The following REL variants were observed in gnomAD, a reference collection of about 807,000 sequenced individuals.
REL encodes REL proto-oncogene, NF-kB subunit, also known as proto-oncogene c-Rel.
In REL, 15 loss-of-function variants were observed where a neutral mutation model predicts 45.9. That is an observed-to-expected ratio of 0.33 (90% CI 0.22 to 0.50). The LOEUF (loss-of-function observed/expected upper bound fraction) is 0.50. REL is among the 20% of genes least tolerant of loss of function. REL has a pLI of 0.98. For missense variants in REL, 601 were observed against 715.2 expected, an observed-to-expected ratio of 0.84 and a Z score of 1.82; for synonymous variants, 239 against 242.1, an observed-to-expected ratio of 0.99 and a Z score of 0.12.
At chr2:60,900,880 C>A in intron 3 of REL, 112 bp from the exon 4 acceptor site, 5 of 876,616 alleles carry the variant, frequency 5.7e-6, no homozygotes, top group South Asian at 4.9e-5. Flanking sequence ...CACGTTCATG[C>A]TTTGGTATGT....
rs544485826 is a variant in REL, at chr2:60,904,440, G to C, written c.394+3357G>C. 1.3e-4 allele frequency among the ~76,000 whole-genome samples: 19 copies of C among 150,674 alleles called. No individual in the cohort carries two copies. The East Asian group carries it at 3.7e-3, about 29-fold the overall frequency. The stretch of plus-strand genomic sequence containing the variant: ...AAAAAAATTAGCCGGGCGTGGTGGC[G>C]CACACCTGTGATCCCAGCTACTCAG... On this transcript the variant is annotated intron_variant, in intron 4 of 9. Coordinates refer to ENST00000394479, the MANE Select transcript of REL (RefSeq NM_001291746.2).
intron 1 of REL, among the ~76,000 whole-genome samples, chr2:60,886,463 C>G (rs1342970625): frequency 6.6e-6 from 1 of 152,132 alleles, no homozygotes; most frequent in African/African-American, 2.4e-5. Context: ...GCCATATTAG[C>G]ATACCATTCA....
In REL at chr2:60,897,409, G is replaced by A. The variant is rs535436206; in HGVS notation, c.302+2864G>A. Among the ~76,000 whole-genome samples, 4 of 151,244 alleles carry A rather than the reference G, an allele frequency of 2.6e-5. No individual in the cohort carries two copies. In the South Asian group the frequency reaches 8.3e-4, roughly 31 times the overall value. On this transcript the variant is annotated intron_variant, in intron 3 of 9. Transcript: ENST00000394479. ...TGCAACCTTCCCCTCCCAAGTTCAT[G>A]CAATTTTTGTGCCTTGGCCTCCCAA...
rs1674312128 is a variant in REL, at chr2:60,928,196, A to G, written c.*5661A>G. On this transcript the variant is annotated 3_prime_UTR_variant, in exon 10 of 10. Transcript: ENST00000394479. ...AGAGGATACAACCAAATGGAAGAAC[A>G]TTCCATGCTCATGGGTAGGAAGAAT... 5.8e-6 allele frequency: 1 copy of G among 172,038 alleles called. No individual in the cohort carries two copies. The highest frequency in any genetic ancestry group is 1.3e-5 in the Non-Finnish European group (1 of 79,606). 10.7% of individuals were successfully genotyped at this position (172,038 alleles called of 1,614,324 possible). A position where few individuals can be genotyped will look rare whatever the true frequency, so the allele number is the denominator to read the frequency against.
chr2:60,896,978 T>C (rs1229533886), intron 3 of REL, among the ~76,000 whole-genome samples: 2 of 152,240 alleles, frequency 1.3e-5, no homozygotes, highest in Non-Finnish European at 2.9e-5. Flanking sequence ...AAGAAATCTA[T>C]AGAAGTGATG....
chr2:60,925,121 G>C lies in REL; in HGVS notation c.*2586G>C, dbSNP rs989063929. On this transcript the variant is annotated 3_prime_UTR_variant, in exon 10 of 10. Transcript: ENST00000394479. Reference sequence around the variant, plus strand: ...TTGGGCAGTAATCTTAATTATGATGGAATTATCATTATGCTAAGTAATTAA... The same window carrying C: ...TTGGGCAGTAATCTTAATTATGATGCAATTATCATTATGCTAAGTAATTAA... The C allele has an allele frequency of 1.0e-5, 2 of 198,496 alleles. No homozygotes were observed. The highest frequency in any genetic ancestry group is 4.6e-5 in the African/African-American group (2 of 43,358). 12.3% of individuals were successfully genotyped at this position (198,496 alleles called of 1,614,324 possible).
intron 4 of REL, 115 bp from the exon 5 acceptor site, chr2:60,916,762 A>G (rs1673972457): frequency 1.7e-6 from 1 of 605,954 alleles, no homozygotes. Flanking sequence ...ATTTTTATTC[A>G]TACATATTTG....
rs758936964 is a variant in REL at position 60,918,508 on chromosome 2, C to T, written c.755C>T (p.Ala252Val). The change falls in exon 7 of 10, where the codon GCT (alanine) becomes GTT (valine). Residue 252 changes from alanine to valine, a missense_variant. This residue lies in a region of REL where 241 missense variants were observed against 347.0 expected (regional missense o/e 0.69). Transcript: ENST00000394479. ...TTCAAAACTCCACCATATTGCAAAG[C>T]TATCACAGAACCCGTAACAGTAAAA... ...IVFKTPPYCK[A>V]ITEPVTVKMQ... The T allele has an allele frequency of 6.2e-7, 1 of 1,613,900 alleles. No individual in the cohort carries two copies. The highest frequency in any genetic ancestry group is 1.3e-5 in the African/African-American group (1 of 74,892).
At chr2:60,889,055 A>T (rs997573759) in intron 1 of REL, among the ~76,000 whole-genome samples, 5 of 152,228 alleles carry the variant, frequency 3.3e-5, no homozygotes, top group African/African-American at 1.2e-4. Flanking sequence ...CATTGATTTC[A>T]TCACACATAA....
intron 3 of REL, among the ~76,000 whole-genome samples, chr2:60,898,432 T>C (rs558745479): frequency 8.5e-5 from 13 of 152,358 alleles, no homozygotes; most frequent in African/African-American, 2.6e-4. Context: ...CTGTTTCCAC[T>C]GCTCTTTTCT....
Position 60,881,740 on chromosome 2 carries a change from C to A in REL, c.-101C>A. 2 of 1,080,678 alleles carry A rather than the reference C, an allele frequency of 1.9e-6. No homozygotes were observed. Among genetic ancestry groups the A allele is most frequent in the South Asian group, 1.4e-5 (1 of 71,852 alleles). The allele number at this position is 1,080,678 out of a possible 1,614,324, so 66.9% of individuals were successfully genotyped here. A position where few individuals can be genotyped will look rare whatever the true frequency, so the allele number is the denominator to read the frequency against. On this transcript the variant is annotated 5_prime_UTR_variant, in exon 1 of 10. Transcript: ENST00000394479. ...TCTAGGGTGGTCGGGGGACTGGGGG[C>A]CCCGCCGGCAGAGGTCCCTCGGCCT...
chr2:60,888,476 CCTA>C (rs1334557978), intron 1 of REL, among the ~76,000 whole-genome samples: 2 of 152,006 alleles, frequency 1.3e-5, no homozygotes, highest in Non-Finnish European at 2.9e-5. Context: ...CTTAAATACT[CCTA>C]CAAGGATATA....
intron 4 of REL, 55 bp from the exon 5 acceptor site, chr2:60,916,818 TAGCA>T (rs1275026982): frequency 7.9e-7 from 1 of 1,259,426 alleles, no homozygotes; most frequent in Non-Finnish European, 1.1e-6. Context: ...GAGGAGGACC[TAGCA>T]AGTCTTTAGG....
chr2:60,897,412 A>G (rs1673378535), intron 3 of REL, among the ~76,000 whole-genome samples: 1 of 150,786 alleles, frequency 6.6e-6, no homozygotes, highest in Non-Finnish European at 1.5e-5. Context: ...AGTTCATGCA[A>G]TTTTTGTGCC....
At chr2:60,890,081 C>T (rs1261266129) in intron 1 of REL, among the ~76,000 whole-genome samples, 1 of 152,210 alleles carries the variant, frequency 6.6e-6, no homozygotes, top group Admixed American at 6.5e-5. Context: ...TAAAAGTGTT[C>T]CTATTTCTTC....
At chr2:60,905,678 C>T (rs1253967405) in intron 4 of REL, among the ~76,000 whole-genome samples, 1 of 151,954 alleles carries the variant, frequency 6.6e-6, no homozygotes, top group Non-Finnish European at 1.5e-5. Context: ...GAGACCGAGA[C>T]AAGTTTTAGA....
Position 60,926,058 on chromosome 2 carries a change from C to T in REL, c.*3523C>T, listed in dbSNP as rs1674260774. 4.3e-6 allele frequency: 1 copy of T among 230,032 alleles called. No homozygotes were observed. The highest frequency in any genetic ancestry group is 6.2e-5 in the East Asian group (1 of 16,224). The allele number at this position is 230,032 out of a possible 1,614,324, so 14.2% of individuals were successfully genotyped here. A position where few individuals can be genotyped will look rare whatever the true frequency, so the allele number is the denominator to read the frequency against. ...TTTCTCCTCTGTCTCTACATATATT[C>T]ATGCTTTCACCTGCTCTTTTAACAC... On this transcript the variant is annotated 3_prime_UTR_variant, in exon 10 of 10. Coordinates refer to ENST00000394479, the MANE Select transcript of REL (RefSeq NM_001291746.2).
intron 4 of REL, among the ~76,000 whole-genome samples, chr2:60,904,680 G>A (rs967743180): frequency 6.6e-6 from 1 of 151,946 alleles, no homozygotes; most frequent in African/African-American, 2.4e-5. Flanking sequence ...CTTGAGCCCA[G>A]GAGTTTGAGA....
intron 4 of REL, among the ~76,000 whole-genome samples, chr2:60,902,943 T>C (rs1229918835): frequency 6.6e-6 from 1 of 152,214 alleles, no homozygotes. Context: ...TTTTAAAAGC[T>C]CCACTGAATA....
Sources: gnomAD v4.1 joint callset for allele counts (sites outside exome capture counted in the v4.1 genomes callset) on GRCh38, gnomAD v4.1.1 for gene constraint, gnomAD v4.1.1 regional missense constraint, MANE v1.5 for transcripts, NCBI Gene and HGNC (gene_info 2026-07-23, HGNC 2026-07-21) for gene names.